GLRA1: variants seen among roughly 807,000 people sequenced by gnomAD.
GLRA1 encodes glycine receptor subunit alpha-1.
Under a neutral mutation model 48.3 loss-of-function variants are expected in GLRA1, and 37 were observed. That is an observed-to-expected ratio of 0.77 (90% CI 0.59 to 1.01). The LOEUF (loss-of-function observed/expected upper bound fraction) is 1.01, where lower values mean the gene tolerates loss of function less well. Among genes scored for constraint, GLRA1 ranks in the 50% least tolerant of loss-of-function variants. The pLI, the probability that GLRA1 is intolerant of heterozygous loss-of-function variation, is 0.00. For missense variants in GLRA1, 427 were observed against 571.0 expected, an observed-to-expected ratio of 0.75 and a Z score of 2.57; for synonymous variants, 196 against 210.7, an observed-to-expected ratio of 0.93 and a Z score of 0.60.
At chr5:151,862,846 C>T (rs1426463098) in intron 3 of GLRA1, among the ~76,000 whole-genome samples, 4 of 152,184 alleles carry the variant, frequency 2.6e-5, no homozygotes, top group African/African-American at 9.7e-5. Context: ...CCACCTCCCA[C>T]ATTTTTTTTG....
At chr5:151,847,047 GA>G (rs1752690917) in intron 7 of GLRA1, among the ~76,000 whole-genome samples, 1 of 152,150 alleles carries the variant, frequency 6.6e-6, no homozygotes, top group African/African-American at 2.4e-5. Flanking sequence ...GTATATGTGG[GA>G]AAATGATGAC....
intron 8 of GLRA1, among the ~76,000 whole-genome samples, chr5:151,825,879 C>T (rs1346425859): frequency 1.3e-5 from 2 of 152,186 alleles, no homozygotes; most frequent in Admixed American, 1.3e-4. Flanking sequence ...CTGCAAACTT[C>T]CTGTTAAAGA....
At position 151,859,962 on chromosome 5, in the gene GLRA1, C is replaced by A; in HGVS notation, c.299G>T (p.Arg100Leu). The change falls in exon 4 of 9, where the codon CGC becomes CTC. Residue 100 changes from arginine to leucine, a missense_variant. Arg to Leu is a moderately radical substitution (Grantham distance 102). Coordinates refer to ENST00000274576, the MANE Select transcript of GLRA1 (RefSeq NM_000171.4). Reference sequence around the variant, plus strand: ...GTCAGGGTATTCATTATAGGCCAGGCGGGGGTCGTTCCATTGCTGCCGCAG... The same window carrying A: ...GTCAGGGTATTCATTATAGGCCAGGAGGGGGTCGTTCCATTGCTGCCGCAG... ...IFLRQQWNDP[R>L]LAYNEYPDDS... is the part of the protein sequence containing the mutation. 1.2e-6 allele frequency: 2 copies of A among 1,614,052 alleles called. No homozygotes were observed. Among genetic ancestry groups the A allele is most frequent in the South Asian group, 1.1e-5 (1 of 91,072 alleles).
At chr5:151,828,829 A>C in intron 8 of GLRA1, 92 bp downstream of exon 8, 1 of 1,280,556 alleles carries the variant, frequency 7.8e-7, no homozygotes, top group Non-Finnish European at 1.1e-6. Flanking sequence ...AGAAGGATGG[A>C]CCATTGAAAC....
At chr5:151,856,672 C>T (rs1377400740) in intron 4 of GLRA1, among the ~76,000 whole-genome samples, 1 of 152,036 alleles carries the variant, frequency 6.6e-6, no homozygotes, top group Non-Finnish European at 1.5e-5. Context: ...GCATCTGCCA[C>T]CATGCCTGCT....
chr5:151,872,155 G>A (rs1419702715), intron 3 of GLRA1, among the ~76,000 whole-genome samples: 1 of 149,602 alleles, frequency 6.7e-6, no homozygotes, highest in African/African-American at 2.6e-5. Flanking sequence ...TTAAGAAATG[G>A]TGTTGGAATA....
At chr5:151,869,121 T>C (rs920384372) in intron 3 of GLRA1, among the ~76,000 whole-genome samples, 37 of 151,358 alleles carry the variant, frequency 2.4e-4, no homozygotes, top group African/African-American at 9.0e-4. Context: ...TTTTTTTTTC[T>C]GAGATGGAGT....
At chr5:151,851,346 C>T in intron 7 of GLRA1, 44 bp downstream of exon 7, 1 of 1,296,962 alleles carries the variant, frequency 7.7e-7, no homozygotes, top group Non-Finnish European at 1.1e-6. Flanking sequence ...AGGTGCTGTC[C>T]TTATTTGTCC....
chr5:151,882,057 G>T (rs937360862), intron 3 of GLRA1, among the ~76,000 whole-genome samples: 1 of 152,200 alleles, frequency 6.6e-6, no homozygotes, highest in Admixed American at 6.5e-5. Flanking sequence ...AGCTGTGTGT[G>T]TGTGTGTCCA....
In GLRA1 at chr5:151,906,002, C is replaced by T. The variant is rs74971961; in HGVS notation, c.57-13564G>A. Among the ~76,000 whole-genome samples the T allele has an allele frequency of 8.0e-3, 1,219 of 152,174 alleles. 18 individuals are homozygous for T. Among genetic ancestry groups the T allele is most frequent in the African/African-American group, 0.028 (1,147 of 41,512 alleles). ...AAAGTACTTACATTTTGCAAGCATTCCCTAAATGCTCGAAATGGGGGGTGG... is the reference window on the plus strand; with the variant it reads ...AAAGTACTTACATTTTGCAAGCATTTCCTAAATGCTCGAAATGGGGGGTGG... On this transcript the variant is annotated intron_variant, in intron 1 of 8. Coordinates refer to ENST00000274576, the MANE Select transcript of GLRA1 (RefSeq NM_000171.4).
chr5:151,849,416 C>A (rs546863428), intron 7 of GLRA1, among the ~76,000 whole-genome samples: 5 of 13,122 alleles, frequency 3.8e-4, no homozygotes, highest in Non-Finnish European at 5.6e-4. Context: ...CTTTCCTTTC[C>A]TTTCCTTTCC....
intron 2 of GLRA1, among the ~76,000 whole-genome samples, chr5:151,888,448 C>T (rs1471725872): frequency 6.6e-6 from 1 of 152,162 alleles, no homozygotes; most frequent in Non-Finnish European, 1.5e-5. Flanking sequence ...GTAAGTAGCT[C>T]TTGATCTAGG....
rs533161185 is a variant in GLRA1 at position 151,890,553 on chromosome 5, A to C, written c.184+1758T>G. Among the ~76,000 whole-genome samples the C allele has an allele frequency of 3.3e-5, 5 of 152,310 alleles. No homozygotes were observed. In the South Asian group the frequency reaches 1.0e-3, roughly 32 times the overall value. On this transcript the variant is annotated intron_variant, in intron 2 of 8. Coordinates refer to ENST00000274576, the MANE Select transcript of GLRA1 (RefSeq NM_000171.4). ...ACAGTGTTTTTAAAAGAGGTGATTTAGTTGTCAATTTGCAAGATTTCAGAT... is the reference window on the plus strand; with the variant it reads ...ACAGTGTTTTTAAAAGAGGTGATTTCGTTGTCAATTTGCAAGATTTCAGAT...
rs374811592 is a variant in GLRA1, at chr5:151,886,883, C to T, written c.185-95G>A. The T allele has an allele frequency of 1.0e-4, 93 of 916,404 alleles. 1 individual carries two copies. In the East Asian group the frequency reaches 1.5e-3, roughly 15 times the overall value. The allele number at this position is 916,404 out of a possible 1,614,324, so 56.8% of individuals were successfully genotyped here. On this transcript the variant is annotated intron_variant, in intron 2 of 8. Transcript: ENST00000274576. ...CAGAACACTGACTTCTGGAATGGAT[C>T]GCCTTTGGTGGAGGAGATCCTTGCT... is the stretch of plus-strand genomic sequence containing the variant.
chr5:151,846,138 A>G (rs1752669022), intron 7 of GLRA1, among the ~76,000 whole-genome samples: 1 of 152,224 alleles, frequency 6.6e-6, no homozygotes, highest in South Asian at 2.1e-4. Flanking sequence ...ATTAGATACT[A>G]TCTATAGGCA....
At chr5:151,900,813 T>C (rs1754348996) in intron 1 of GLRA1, among the ~76,000 whole-genome samples, 1 of 152,220 alleles carries the variant, frequency 6.6e-6, no homozygotes, top group Non-Finnish European at 1.5e-5. Flanking sequence ...AGGTGTTATA[T>C]AGACAAAACC....
At chr5:151,829,261 G>T (rs891864478) in intron 7 of GLRA1, among the ~76,000 whole-genome samples, 194 bp from the exon 8 acceptor site, 2 of 152,164 alleles carry the variant, frequency 1.3e-5, no homozygotes, top group African/African-American at 4.8e-5. Context: ...AAAGAATATT[G>T]GGGGTAAATA....
chr5:151,852,068 A>C (rs943384217), intron 6 of GLRA1, among the ~76,000 whole-genome samples: 11 of 152,132 alleles, frequency 7.2e-5, no homozygotes, highest in African/African-American at 2.4e-4. Context: ...TTCTTTCCTC[A>C]TACAAGGCAG....
chr5:151,832,846 G>A (rs770102287), intron 7 of GLRA1, among the ~76,000 whole-genome samples: 11 of 152,114 alleles, frequency 7.2e-5, no homozygotes, highest in Non-Finnish European at 1.3e-4. Flanking sequence ...ACACATAATT[G>A]TCAGATTCAC....
Sources: gnomAD v4.1 joint callset for allele counts (sites outside exome capture counted in the v4.1 genomes callset) on GRCh38, gnomAD v4.1.1 for gene constraint, MANE v1.5 for transcripts, NCBI Gene and HGNC (gene_info 2026-07-23, HGNC 2026-07-21) for gene names.